The following CHN2 variants were observed in gnomAD, a reference collection of about 807,000 sequenced individuals.
The protein encoded by CHN2 is chimerin 2, also known as beta-chimaerin.
A neutral mutation model predicts 56.3 loss-of-function variants in CHN2; 35 were observed. The observed-to-expected ratio is 0.62, with a 90% confidence interval of 0.47 to 0.82. CHN2 has a LOEUF of 0.82. Ranked by LOEUF, CHN2 falls within the 40% of genes least tolerant of loss-of-function variation. The pLI is 0.00. For missense variants in CHN2, 491 were observed against 580.5 expected (o/e 0.85, Z 1.58); for synonymous variants, 210 against 212.8 (o/e 0.99, Z 0.12).
intron 1 of CHN2, among the ~76,000 whole-genome samples, chr7:29,303,193 C>G (rs528938295): frequency 3.3e-5 from 5 of 152,334 alleles, no homozygotes; most frequent in Admixed American, 2.6e-4. Context: ...CACAGCAAGA[C>G]AGCTTAAAGT....
intron 1 of CHN2, among the ~76,000 whole-genome samples, chr7:29,325,799 G>A (rs1031617977): frequency 2.6e-5 from 4 of 152,128 alleles, no homozygotes; most frequent in African/African-American, 9.7e-5. Flanking sequence ...GTGAAGAGCC[G>A]CCCATTTTCT....
At chr7:29,331,132 C>T (rs887069088) in intron 1 of CHN2, among the ~76,000 whole-genome samples, 2 of 152,214 alleles carry the variant, frequency 1.3e-5, no homozygotes, top group Admixed American at 1.3e-4. Flanking sequence ...TTATCTTAGT[C>T]ATACTCAGGT....
At chr7:29,496,948 C>T (rs10233803) in intron 8 of CHN2, among the ~76,000 whole-genome samples, 79,618 of 152,040 alleles carry the variant, frequency 0.52, 21,260 homozygotes, top group Non-Finnish European at 0.58. Context: ...TTAAAAATCT[C>T]AGGAGCATTT....
chr7:29,252,578 G>GTTTTTTCTTTTT (rs1788667029), intron 1 of CHN2, among the ~76,000 whole-genome samples: 2 of 19,488 alleles, frequency 1.0e-4, no homozygotes, highest in Non-Finnish European at 1.6e-4. Context: ...TGCATTCTTT[G>GTTTTTTCTTTTT]TTTTTTTTTT....
chr7:29,468,782 C>A (rs74635512), intron 6 of CHN2, among the ~76,000 whole-genome samples: 3,459 of 152,238 alleles, frequency 0.023, 127 homozygotes, highest in African/African-American at 0.076. Context: ...CACTCCCCAT[C>A]ATACCTATCC....
chr7:29,235,394 T>C (rs1288324144), intron 1 of CHN2, among the ~76,000 whole-genome samples: 1 of 152,194 alleles, frequency 6.6e-6, no homozygotes. Flanking sequence ...GAGATGCTTG[T>C]GAGGTATGAA....
At chr7:29,444,533 G>A (rs1783899508) in intron 6 of CHN2, among the ~76,000 whole-genome samples, 1 of 152,186 alleles carries the variant, frequency 6.6e-6, no homozygotes, top group South Asian at 2.1e-4. Context: ...GTCATCCTCA[G>A]TGCCTCATTC....
intron 2 of CHN2, among the ~76,000 whole-genome samples, chr7:29,173,927 G>A (rs1447092626): frequency 2.0e-5 from 3 of 151,730 alleles, no homozygotes; most frequent in African/African-American, 7.3e-5. Context: ...ACTCCAGCCT[G>A]GGTGACAGAG....
chr7:29,350,836 G>A (rs11973008), intron 1 of CHN2, among the ~76,000 whole-genome samples: 16,163 of 152,134 alleles, frequency 0.11, 1,737 homozygotes, highest in African/African-American at 0.27. Flanking sequence ...GCGGCCGGGC[G>A]AGGTGGCTCA....
At chr7:29,307,381 T>A (rs922350845) in intron 1 of CHN2, among the ~76,000 whole-genome samples, 1 of 152,202 alleles carries the variant, frequency 6.6e-6, no homozygotes, top group Non-Finnish European at 1.5e-5. Context: ...GTATGATTAG[T>A]CAACATCAAT....
intron 6 of CHN2, among the ~76,000 whole-genome samples, chr7:29,420,469 T>G (rs1804222674): frequency 6.6e-6 from 1 of 152,248 alleles, no homozygotes; most frequent in African/African-American, 2.4e-5. Context: ...AACCCTGTCC[T>G]GTGCTGTAAC....
Position 29,416,382 on chromosome 7 carries a change from A to G in CHN2, c.576+15554A>G, listed in dbSNP as rs551642278. Among the ~76,000 whole-genome samples the G allele has an allele frequency of 2.0e-5, 3 of 152,350 alleles. No homozygotes were observed. The South Asian group carries it at 6.2e-4, about 32-fold the overall frequency. ...AATAGTTTAAAGGATATTGAAATGG[A>G]AATGTTGTTACTTAAGAGAGCAAAG... is the stretch of plus-strand genomic sequence containing the variant. On this transcript the variant is annotated intron_variant, in intron 6 of 12. Transcript: ENST00000222792.
chr7:29,396,024 T>C (rs1801707129), intron 4 of CHN2, among the ~76,000 whole-genome samples: 2 of 152,174 alleles, frequency 1.3e-5, no homozygotes, highest in Admixed American at 1.3e-4. Context: ...CATTATACAT[T>C]GTACTTATGT....
chr7:29,351,311 ATTTGT>A (rs55748610), intron 1 of CHN2, among the ~76,000 whole-genome samples: 50,566 of 151,396 alleles, frequency 0.33, 8,511 homozygotes, highest in African/African-American at 0.37. Flanking sequence ...CATTTAATAC[ATTTGT>A]TTTGTTTTGT....
chr7:29,296,236 A>G (rs1324278925), intron 1 of CHN2, among the ~76,000 whole-genome samples: 1 of 151,654 alleles, frequency 6.6e-6, no homozygotes, highest in Admixed American at 6.6e-5. Flanking sequence ...GGCGCCCACC[A>G]CCACGCCCAG....
chr7:29,228,357 G>T (rs1245404746), intron 1 of CHN2, among the ~76,000 whole-genome samples: 5 of 152,150 alleles, frequency 3.3e-5, no homozygotes, highest in Admixed American at 3.3e-4. Flanking sequence ...TTTCCATTGT[G>T]CTGTAATTGC....
intron 1 of CHN2, among the ~76,000 whole-genome samples, chr7:29,226,814 T>A (rs1462149429): frequency 6.6e-6 from 1 of 152,216 alleles, no homozygotes; most frequent in African/African-American, 2.4e-5. Context: ...TTTGATAACT[T>A]ATTTTTGTCT....
At chr7:29,246,999 G>A (rs1402455694) in intron 1 of CHN2, among the ~76,000 whole-genome samples, 1 of 152,146 alleles carries the variant, frequency 6.6e-6, no homozygotes, top group Non-Finnish European at 1.5e-5. Flanking sequence ...TCATGTGGGG[G>A]TCATAATGGA....
chr7:29,354,218 G>A (rs1000455565), intron 1 of CHN2, among the ~76,000 whole-genome samples: 28 of 152,332 alleles, frequency 1.8e-4, no homozygotes, highest in African/African-American at 6.5e-4. Context: ...GCCGCTTTGC[G>A]TCTTGCCCTC....
Sources: allele counts gnomAD v4.1 joint callset (sites outside exome capture counted in the v4.1 genomes callset), GRCh38; gene constraint gnomAD v4.1.1; transcripts MANE v1.5; gene names NCBI Gene and HGNC (gene_info 2026-07-23, HGNC 2026-07-21).